The following CPS1 variants were observed in gnomAD, a reference collection of about 807,000 sequenced individuals.
CPS1 encodes carbamoyl-phosphate synthase 1, also known as carbamoyl-phosphate synthase [ammonia], mitochondrial.
CPS1 carries 109 observed loss-of-function variants against 174.6 expected under a neutral mutation model. The ratio of observed to expected loss-of-function variants is 0.62; its 90% confidence interval spans 0.53 to 0.73. The LOEUF (loss-of-function observed/expected upper bound fraction) is 0.73, where lower values mean the gene tolerates loss of function less well. CPS1 is among the 30% of genes least tolerant of loss of function. CPS1 has a pLI of 0.00. For missense variants in CPS1, 1,689 were observed against 1,821.9 expected, an observed-to-expected ratio of 0.93 and a Z score of 1.33; for synonymous variants, 637 against 632.0, an observed-to-expected ratio of 1.01 and a Z score of -0.12.
At chr2:210,500,101 C>T (rs1695101413) in intron 1 of CPS1, among the ~76,000 whole-genome samples, 1 of 152,090 alleles carries the variant, frequency 6.6e-6, no homozygotes. Context: ...ATAAAACCAT[C>T]AGATCTCATG....
At chr2:210,562,643 C>T (rs1697140481) in intron 1 of CPS1, among the ~76,000 whole-genome samples, 4 of 152,006 alleles carry the variant, frequency 2.6e-5, no homozygotes, top group Admixed American at 2.6e-4. Flanking sequence ...AGGATGAGTA[C>T]TGAGGCGAAC....
At chr2:210,485,297 G>T (rs1341288414) in intron 1 of CPS1, among the ~76,000 whole-genome samples, 1 of 151,154 alleles carries the variant, frequency 6.6e-6, no homozygotes, top group Non-Finnish European at 1.5e-5. Flanking sequence ...ATAAGTAAAC[G>T]GTATCTAAAG....
At chr2:210,583,537 C>T (rs903295831) in intron 6 of CPS1, among the ~76,000 whole-genome samples, 4 of 152,032 alleles carry the variant, frequency 2.6e-5, no homozygotes, top group South Asian at 2.1e-4. Context: ...ACACAAAGAG[C>T]GGGTAGTAAC....
chr2:210,677,343 C>A (rs1483554997), intron 37 of CPS1, among the ~76,000 whole-genome samples: 1 of 152,220 alleles, frequency 6.6e-6, no homozygotes, highest in Non-Finnish European at 1.5e-5. Context: ...TTGAGATAAT[C>A]AAAGGCCATG....
Position 210,561,383 on chromosome 2 carries a change from T to C in CPS1, c.126+4524T>C, listed in dbSNP as rs2106046967. ...CAAGGGACTAGTACTAATCTTGACCTGTGCTTTCCTCTCCCTCATTCCAAT... is the reference window on the plus strand; with the variant it reads ...CAAGGGACTAGTACTAATCTTGACCCGTGCTTTCCTCTCCCTCATTCCAAT... On this transcript the variant is annotated intron_variant, in intron 1 of 37. Transcript: ENST00000233072. Among the ~76,000 whole-genome samples the C allele has an allele frequency of 2.6e-5, 4 of 152,304 alleles. No individual in the cohort carries two copies. In the Middle Eastern group the frequency reaches 0.014, roughly 522 times the overall value.
At position 210,612,126 on chromosome 2, in the gene CPS1, A is replaced by G; in HGVS notation, c.2401A>G (p.Ile801Val). The G allele has an allele frequency of 6.2e-7, 1 of 1,611,964 alleles. No individual in the cohort carries two copies. The highest frequency in any genetic ancestry group is 1.7e-5 in the Admixed American group (1 of 59,836). ...SMKSVGEVMA[I>V]GRTFEESFQK... ...TAAACATGTATTACAGGTCATGGCTATTGGTCGTACCTTTGAGGAGAGTTT... is the reference window on the plus strand; with the variant it reads ...TAAACATGTATTACAGGTCATGGCTGTTGGTCGTACCTTTGAGGAGAGTTT... The change falls in exon 20 of 38, where the codon ATT (isoleucine) becomes GTT (valine). Residue 801 changes from isoleucine (I) to valine (V), a missense_variant. By Grantham distance (29) the Ile-to-Val change is conservative (BLOSUM62 3). Coordinates refer to ENST00000233072, the MANE Select transcript of CPS1 (RefSeq NM_001875.5).
At chr2:210,676,381 C>A (rs1345055145) in intron 36 of CPS1, among the ~76,000 whole-genome samples, 1 of 152,148 alleles carries the variant, frequency 6.6e-6, no homozygotes, top group Non-Finnish European at 1.5e-5. Flanking sequence ...TTCAGGAATA[C>A]CATTGCATCA....
intron 15 of CPS1, among the ~76,000 whole-genome samples, chr2:210,600,934 G>T (rs981472491): frequency 2.6e-5 from 4 of 151,908 alleles, no homozygotes; most frequent in African/African-American, 9.7e-5. Context: ...GAAGTCCAGA[G>T]ATGAAGTGGT....
chr2:210,662,122 G>C (rs1035426383), intron 32 of CPS1, among the ~76,000 whole-genome samples: 4 of 151,802 alleles, frequency 2.6e-5, no homozygotes, highest in Admixed American at 2.6e-4. Flanking sequence ...TGCCATGTTG[G>C]CAAAGTTGGT....
At chr2:210,527,142 ACT>A (rs752280791) in intron 1 of CPS1, among the ~76,000 whole-genome samples, 1 of 151,612 alleles carries the variant, frequency 6.6e-6, no homozygotes, top group Non-Finnish European at 1.5e-5. Context: ...CTTTAATAAT[ACT>A]TTGCTGTATT....
intron 1 of CPS1, among the ~76,000 whole-genome samples, chr2:210,483,493 C>A (rs1057112096): frequency 2.0e-5 from 3 of 152,204 alleles, no homozygotes; most frequent in Admixed American, 6.5e-5. Flanking sequence ...CCCAGACCTT[C>A]TGACTTGAGA....
chr2:210,536,951 A>T (rs767890053), intron 1 of CPS1, among the ~76,000 whole-genome samples: 1 of 152,244 alleles, frequency 6.6e-6, no homozygotes, highest in African/African-American at 2.4e-5. Flanking sequence ...TTCACATGGT[A>T]GAAACATAAT....
chr2:210,672,178 A>G (rs1055255998), intron 34 of CPS1: 2 of 152,168 alleles, frequency 1.3e-5, no homozygotes, highest in Non-Finnish European at 2.9e-5. Flanking sequence ...GCCAGGGACC[A>G]CAGTTTGAGA....
intron 1 of CPS1, 64 bp downstream of exon 1, chr2:210,556,923 G>C: frequency 1.3e-6 from 2 of 1,568,168 alleles, no homozygotes; most frequent in Non-Finnish European, 1.8e-6. Context: ...GTGAAGCAAA[G>C]GTGTCCCTTA....
At chr2:210,653,119 G>A (rs1700608154) in intron 28 of CPS1, among the ~76,000 whole-genome samples, 1 of 152,162 alleles carries the variant, frequency 6.6e-6, no homozygotes, top group Admixed American at 6.5e-5. Context: ...GCCTTGAAGG[G>A]TGAGTTGAGA....
At position 210,650,275 on chromosome 2, in the gene CPS1, C is replaced by G. The variant is rs1574641584; in HGVS notation, c.3405-88C>G. On this transcript the variant is annotated intron_variant, in intron 27 of 37. Coordinates refer to ENST00000233072, the MANE Select transcript of CPS1 (RefSeq NM_001875.5). Reference sequence around the variant, plus strand: ...CCTTCTTATTCAGCCCCGACTGGAACTATAGGTTGTCTGGAACTGTTCTGA... The same window carrying G: ...CCTTCTTATTCAGCCCCGACTGGAAGTATAGGTTGTCTGGAACTGTTCTGA... 44 of 1,079,320 alleles carry G rather than the reference C, an allele frequency of 4.1e-5. No homozygotes were observed. The South Asian group carries it at 4.6e-4, about 11-fold the overall frequency. The allele number at this position is 1,079,320 out of a possible 1,614,324, so 66.9% of individuals were successfully genotyped here.
At chr2:210,648,340 G>A (rs1574639087) in intron 26 of CPS1, 133 bp from the exon 27 acceptor site, 1 of 758,256 alleles carries the variant, frequency 1.3e-6, no homozygotes, top group East Asian at 2.7e-5. Context: ...GTATTTCAGT[G>A]TCCAATTTAC....
intron 1 of CPS1, among the ~76,000 whole-genome samples, chr2:210,510,457 C>T (rs887855213): frequency 1.3e-5 from 2 of 152,170 alleles, no homozygotes; most frequent in African/African-American, 2.4e-5. Flanking sequence ...CCATTCAGGA[C>T]ATAGGCATGG....
chr2:210,509,365 T>C (rs1254620973), intron 1 of CPS1, among the ~76,000 whole-genome samples: 1 of 152,198 alleles, frequency 6.6e-6, no homozygotes, highest in Admixed American at 6.6e-5. Context: ...AAATTAGGTA[T>C]TGATGGGACA....
Sources: gnomAD v4.1 joint callset for allele counts (sites outside exome capture counted in the v4.1 genomes callset) on GRCh38, gnomAD v4.1.1 for gene constraint, MANE v1.5 for transcripts, NCBI Gene and HGNC (gene_info 2026-07-23, HGNC 2026-07-21) for gene names.